The following SPOCK3 variants were observed in gnomAD, a reference collection of about 807,000 sequenced individuals.
The protein encoded by SPOCK3 is SPARC (osteonectin), cwcv and kazal like domains proteoglycan 3.
Under a neutral mutation model 56.6 loss-of-function variants are expected in SPOCK3, and 30 were observed. That is an observed-to-expected ratio of 0.53 (90% confidence interval 0.40 to 0.72). The LOEUF (loss-of-function observed/expected upper bound fraction) is 0.72. SPOCK3 is among the 30% of genes least tolerant of loss of function. The pLI, the probability that SPOCK3 is intolerant of heterozygous loss-of-function variation, is 0.00. For missense variants in SPOCK3, 527 were observed against 530.0 expected, an observed-to-expected ratio of 0.99 and a Z score of 0.06; for synonymous variants, 196 against 183.3, an observed-to-expected ratio of 1.07 and a Z score of -0.56.
At chr4:167,091,744 G>A (rs1758719475) in intron 2 of SPOCK3, among the ~76,000 whole-genome samples, 1 of 152,102 alleles carries the variant, frequency 6.6e-6, no homozygotes, top group Non-Finnish European at 1.5e-5. Flanking sequence ...AAGGGATAAA[G>A]AAAGTGGAAA....
chr4:167,006,808 C>T (rs780805815), intron 3 of SPOCK3, among the ~76,000 whole-genome samples: 4 of 152,180 alleles, frequency 2.6e-5, no homozygotes, highest in Non-Finnish European at 4.4e-5. Context: ...TTTCTAGCTA[C>T]GGGTATTGTT....
intron 4 of SPOCK3, among the ~76,000 whole-genome samples, chr4:166,983,473 T>C (rs566770548): frequency 2.0e-5 from 3 of 152,154 alleles, no homozygotes; most frequent in African/African-American, 7.2e-5. Flanking sequence ...TAATGTAATG[T>C]CCTCTGGGCT....
chr4:167,035,619 C>T (rs1462899832), intron 3 of SPOCK3, among the ~76,000 whole-genome samples: 1 of 152,118 alleles, frequency 6.6e-6, no homozygotes, highest in African/African-American at 2.4e-5. Context: ...TGCTGTCTAA[C>T]CCTGAAACCC....
chr4:167,207,874 T>TA lies in SPOCK3; in HGVS notation c.189+26110dup, dbSNP rs201311869. Among the ~76,000 whole-genome samples, 1,165 of 145,228 alleles carry TA rather than the reference T, an allele frequency of 8.0e-3. 11 individuals are homozygous for TA. The highest frequency in any genetic ancestry group is 0.018 in the Middle Eastern group (5 of 284). ...CACCCTAAAACTTAAAGTATAATAA[T>TA]AAAAAAAAAAAATTCAGTTTCAGAT... On this transcript the variant is annotated intron_variant, in intron 2 of 10. Transcript: ENST00000357545.
intron 2 of SPOCK3, among the ~76,000 whole-genome samples, chr4:167,175,050 C>G (rs1347511184): frequency 6.6e-6 from 1 of 152,116 alleles, no homozygotes; most frequent in East Asian, 1.9e-4. Flanking sequence ...ATTTTACCTA[C>G]TACCTGCAGA....
intron 7 of SPOCK3, 96 bp from the exon 8 acceptor site, chr4:166,754,825 A>C: frequency 9.5e-7 from 1 of 1,055,536 alleles, no homozygotes; most frequent in Non-Finnish European, 1.4e-6. Context: ...AGTGTAGGAC[A>C]TCTAATGAAT....
chr4:166,977,998 C>A (rs909138466), intron 4 of SPOCK3, among the ~76,000 whole-genome samples: 1 of 152,118 alleles, frequency 6.6e-6, no homozygotes, highest in Non-Finnish European at 1.5e-5. Flanking sequence ...TGCTTAAAGT[C>A]TCCATTGACT....
At chr4:167,142,418 T>C (rs560606979) in intron 2 of SPOCK3, among the ~76,000 whole-genome samples, 13 of 151,460 alleles carry the variant, frequency 8.6e-5, no homozygotes, top group Admixed American at 4.6e-4. Context: ...CCTATTAAAG[T>C]AGTAAATCAA....
chr4:166,966,270 T>C (rs953667200), intron 4 of SPOCK3, among the ~76,000 whole-genome samples: 1 of 151,780 alleles, frequency 6.6e-6, no homozygotes, highest in Admixed American at 6.6e-5. Flanking sequence ...AAGTGTTTTC[T>C]TGAAGTGACA....
At chr4:166,991,237 G>A (rs533320701) in intron 4 of SPOCK3, among the ~76,000 whole-genome samples, 3 of 151,984 alleles carry the variant, frequency 2.0e-5, no homozygotes, top group African/African-American at 7.2e-5. Context: ...GATAATGGCT[G>A]ATATGAAACC....
At chr4:166,973,908 TA>T (rs1241237210) in intron 4 of SPOCK3, among the ~76,000 whole-genome samples, 2 of 152,156 alleles carry the variant, frequency 1.3e-5, no homozygotes, top group Admixed American at 6.5e-5. Flanking sequence ...TACACATTTT[TA>T]AAAAAATCTT....
chr4:166,900,209 C>T (rs112468025), intron 5 of SPOCK3, among the ~76,000 whole-genome samples: 1,708 of 152,288 alleles, frequency 0.011, 19 homozygotes, highest in Non-Finnish European at 0.018. Context: ...ATGTTTAGCT[C>T]TTTGGGCTAT....
chr4:167,160,842 G>C (rs1048396995), intron 2 of SPOCK3, among the ~76,000 whole-genome samples: 27 of 152,138 alleles, frequency 1.8e-4, no homozygotes, highest in African/African-American at 6.5e-4. Context: ...GCCATATGTA[G>C]AAAGCTGAAA....
chr4:166,948,773 A>C (rs547182510), intron 4 of SPOCK3, among the ~76,000 whole-genome samples: 1 of 152,094 alleles, frequency 6.6e-6, no homozygotes, highest in South Asian at 2.1e-4. Flanking sequence ...GCTGCCCTTA[A>C]CATTTTTTCC....
intron 7 of SPOCK3, among the ~76,000 whole-genome samples, chr4:166,785,960 C>T (rs1414160628): frequency 6.6e-6 from 1 of 152,118 alleles, no homozygotes; most frequent in Non-Finnish European, 1.5e-5. Context: ...GCAGGTTCTA[C>T]AGTGGAAAAC....
At chr4:166,845,955 G>A (rs550057093) in intron 6 of SPOCK3, among the ~76,000 whole-genome samples, 4 of 152,114 alleles carry the variant, frequency 2.6e-5, no homozygotes, top group African/African-American at 7.2e-5. Context: ...GCTAGGCTAC[G>A]AACTTGCACA....
At chr4:167,016,773 C>T (rs1750670608) in intron 3 of SPOCK3, among the ~76,000 whole-genome samples, 1 of 152,068 alleles carries the variant, frequency 6.6e-6, no homozygotes, top group Non-Finnish European at 1.5e-5. Flanking sequence ...AACTCCTGAC[C>T]TCAGCTGATC....
intron 2 of SPOCK3, among the ~76,000 whole-genome samples, chr4:167,142,391 A>C (rs1249933029): frequency 6.6e-6 from 1 of 151,982 alleles, no homozygotes; most frequent in African/African-American, 2.4e-5. Flanking sequence ...TAATGAAACT[A>C]CTGGAAGCTA....
intron 2 of SPOCK3, among the ~76,000 whole-genome samples, chr4:167,116,613 G>A (rs1345396077): frequency 3.4e-4 from 43 of 125,082 alleles, no homozygotes; most frequent in Non-Finnish European, 6.3e-4. Flanking sequence ...TACTATATAC[G>A]TATATATATA....
Sources: allele counts gnomAD v4.1 joint callset (sites outside exome capture counted in the v4.1 genomes callset), GRCh38; gene constraint gnomAD v4.1.1; transcripts MANE v1.5; gene names NCBI Gene and HGNC (gene_info 2026-07-23, HGNC 2026-07-21).